The following GAK variants were observed in gnomAD, a reference collection of about 807,000 sequenced individuals.
The protein encoded by GAK is cyclin G associated kinase.
Under a neutral mutation model 143.9 loss-of-function variants are expected in GAK, and 79 were observed. The ratio of observed to expected loss-of-function variants is 0.55; its 90% CI spans 0.46 to 0.66. GAK has a LOEUF of 0.66. GAK is among the 30% of genes least tolerant of loss of function. The pLI is 0.00. For synonymous variants in GAK, 881 were observed against 765.5 expected, an observed-to-expected ratio of 1.15 and a Z score of -2.49; for missense variants, 1,693 against 1,779.7, an observed-to-expected ratio of 0.95 and a Z score of 0.88.
At chr4:921,204 G>C (rs1004131808) in intron 1 of GAK, among the ~76,000 whole-genome samples, 2 of 152,166 alleles carry the variant, frequency 1.3e-5, no homozygotes, top group Non-Finnish European at 2.9e-5. Context: ...CCAGGTTCAA[G>C]CGATTCTCCT....
At chr4:849,834 A>ACCCCCCC (rs33919242) in intron 27 of GAK, 58 bp downstream of exon 27, 1,042 of 948,380 alleles carry the variant, frequency 1.1e-3, no homozygotes, top group South Asian at 2.3e-3. Flanking sequence ...GCGGGGCAGG[A>ACCCCCCC]CCCCCCCCCC....
chr4:850,230 A>C, intron 26 of GAK, 162 bp from the exon 27 acceptor site: 10 of 623,830 alleles, frequency 1.6e-5, no homozygotes, highest in Non-Finnish European at 2.4e-5. Context: ...CCTCAACTAT[A>C]TAGAGCCCAC....
intron 5 of GAK, among the ~76,000 whole-genome samples, chr4:902,276 G>C (rs995784558): frequency 1.3e-5 from 2 of 150,796 alleles, no homozygotes; most frequent in African/African-American, 4.9e-5. Context: ...CGTCCCCAGA[G>C]ACATGGACAA....
intron 10 of GAK, among the ~76,000 whole-genome samples, chr4:890,262 C>T (rs995739670): frequency 6.6e-6 from 1 of 152,204 alleles, no homozygotes; most frequent in Non-Finnish European, 1.5e-5. Context: ...CTCCTGGGCC[C>T]TGCCCTGGAG....
chr4:849,994 G>T lies in GAK; in HGVS notation c.3732C>A (p.Asp1244Glu), dbSNP rs138216547. Residue 1244 changes from aspartate to glutamate, a missense_variant, in exon 27 of 28, where the codon GAC becomes GAA. By Grantham distance (45) the Asp-to-Glu change is conservative. This residue lies in a region of GAK where 822 missense variants were observed against 788.7 expected (regional missense o/e 1.04). Transcript: ENST00000314167. ...CCACGGGCGTCCAGCGGCTCTCCCCGTCCCACAGCACTGTGTGCAGCGTGG... is the reference window on the plus strand; with the variant it reads ...CCACGGGCGTCCAGCGGCTCTCCCCTTCCCACAGCACTGTGTGCAGCGTGG... ...LLSTLHTVLW[D>E]GESRWTPVGM... 8.3e-4 allele frequency: 1,332 copies of T among 1,611,090 alleles called. 16 individuals carry two copies. Among genetic ancestry groups the T allele is most frequent in the Non-Finnish European group, 7.1e-5 (84 of 1,179,106 alleles).
intron 26 of GAK, chr4:850,295 G>A (rs1747891029): frequency 2.2e-6 from 1 of 447,458 alleles, no homozygotes; most frequent in Non-Finnish European, 4.0e-6. Context: ...GGGCCAGAGG[G>A]ACCCTCGTCT....
chr4:881,972 C>T lies in GAK; in HGVS notation c.1596G>A (p.Ala532=), dbSNP rs1401182291. The stretch of plus-strand genomic sequence containing the variant: ...TGCTGAACATGTACACGGCGGCCTC[C>T]GCGGTGCTGAAGAGACGGCAGAAGC... ...FLCFCRLFST[A]EAAVYMFSMK... Residue 532 remains alanine (A), a synonymous_variant, in exon 15 of 28, where the codon GCG becomes GCA. Coordinates refer to ENST00000314167, the MANE Select transcript of GAK (RefSeq NM_005255.4). 4.7e-5 allele frequency: 75 copies of T among 1,602,662 alleles called. No homozygotes were observed. Among genetic ancestry groups the T allele is most frequent in the Non-Finnish European group, 5.9e-5 (69 of 1,174,952 alleles).
At chr4:927,769 T>C (rs1375517586) in intron 1 of GAK, among the ~76,000 whole-genome samples, 1 of 140,730 alleles carries the variant, frequency 7.1e-6, no homozygotes, top group African/African-American at 2.7e-5. Flanking sequence ...CCCTCCCTGC[T>C]TACCTGCGCT....
chr4:923,168 G>A (rs749640128), intron 1 of GAK, among the ~76,000 whole-genome samples: 15 of 152,136 alleles, frequency 9.9e-5, no homozygotes, highest in African/African-American at 3.4e-4. Context: ...TTAGCATCCC[G>A]ACCGTCACCA....
intron 23 of GAK, 96 bp from the exon 24 acceptor site, chr4:859,818 C>G (rs531381539): frequency 1.2e-6 from 1 of 858,390 alleles, no homozygotes; most frequent in South Asian, 1.7e-5. Context: ...ACATGACAGC[C>G]TCACTCCTGC....
In GAK at chr4:866,951, C is replaced by T. The variant is rs766875904; in HGVS notation, c.2872+5G>A. 21 of 1,481,094 alleles carry T rather than the reference C, an allele frequency of 1.4e-5. No individual in the cohort carries two copies. The highest frequency in any genetic ancestry group is 4.8e-5 in the Admixed American group (2 of 41,636). 91.7% of individuals were successfully genotyped at this position (1,481,094 alleles called of 1,614,324 possible). On this transcript the variant is annotated splice_donor_5th_base_variant and intron_variant, in intron 21 of 27. Transcript: ENST00000314167. ...GCCACTCGCCTTCAGAACAGAAACA[C>T]GTACCAGCGGCAGGGGGCCCTCCTC...
At chr4:922,712 G>A (rs1724102298) in intron 1 of GAK, among the ~76,000 whole-genome samples, 1 of 152,128 alleles carries the variant, frequency 6.6e-6, no homozygotes, top group South Asian at 2.1e-4. Context: ...TTGCTGGTGG[G>A]AATGTATGGC....
intron 9 of GAK, among the ~76,000 whole-genome samples, chr4:891,994 A>T (rs1717767470): frequency 1.3e-5 from 2 of 152,112 alleles, no homozygotes; most frequent in South Asian, 4.1e-4. Flanking sequence ...GCCGCCAGAG[A>T]GGGGCACCAC....
At chr4:862,641 AAGAG>A (rs1399673565) in intron 23 of GAK, among the ~76,000 whole-genome samples, 1 of 151,284 alleles carries the variant, frequency 6.6e-6, no homozygotes, top group African/African-American at 2.4e-5. Flanking sequence ...CTGGGCGACA[AAGAG>A]AGACTCTGTC....
intron 5 of GAK, among the ~76,000 whole-genome samples, chr4:904,279 TTGGCAGC>T (rs1720636663): frequency 1.9e-5 from 2 of 104,914 alleles, no homozygotes; most frequent in East Asian, 3.2e-4. Flanking sequence ...CACAGAGGCC[TTGGCAGC>T]CGCGTGTGGA....
At position 877,289 on chromosome 4, in the gene GAK, T is replaced by C. The variant is rs564953483; in HGVS notation, c.1857-82A>G. On this transcript the variant is annotated intron_variant, in intron 16 of 27. Coordinates refer to ENST00000314167, the MANE Select transcript of GAK (RefSeq NM_005255.4). ...AAACAACAAAAAACAGAATGAGAAATTGTCCACTTAGCTAAAATGTGTAAT... is the reference window on the plus strand; with the variant it reads ...AAACAACAAAAAACAGAATGAGAAACTGTCCACTTAGCTAAAATGTGTAAT... 128 of 962,476 alleles carry C rather than the reference T, an allele frequency of 1.3e-4. 1 individual carries two copies. The African/African-American group carries it at 1.8e-3, about 14-fold the overall frequency. The allele number at this position is 962,476 out of a possible 1,614,324, so 59.6% of individuals were successfully genotyped here. A position where few individuals can be genotyped will look rare whatever the true frequency, so the allele number is the denominator to read the frequency against.
chr4:852,070 G>A, intron 24 of GAK, 96 bp from the exon 25 acceptor site: 1 of 1,079,490 alleles, frequency 9.3e-7, no homozygotes, highest in Non-Finnish European at 1.4e-6. Flanking sequence ...TGGAAAACAT[G>A]CGCTTGCAAA....
chr4:876,600 T>G lies in GAK; in HGVS notation c.1984A>C (p.Met662Leu). The G allele has an allele frequency of 5.0e-6, 8 of 1,614,098 alleles. No individual in the cohort carries two copies. Among genetic ancestry groups the G allele is most frequent in the Non-Finnish European group, 6.8e-6 (8 of 1,179,986 alleles). ...GGRLQAKMAS[M>L]KMFQIQFHTG... ...TGGAACTGAATCTGGAACATCTTCATGGATGCCATCTGCAAAGAGAGCAAA... is the reference window on the plus strand; with the variant it reads ...TGGAACTGAATCTGGAACATCTTCAGGGATGCCATCTGCAAAGAGAGCAAA... The change falls in exon 18 of 28, where the codon ATG becomes CTG. Residue 662 changes from methionine (M) to leucine (L), a missense_variant. Around this residue, in one of 2 missense-constraint regions of GAK, gnomAD observed 871 missense variants for 991.0 expected, o/e 0.88. Transcript: ENST00000314167.
At chr4:871,052 C>T (rs1481858245) in intron 18 of GAK, 148 bp from the exon 19 acceptor site, 17 of 692,568 alleles carry the variant, frequency 2.5e-5, no homozygotes, top group South Asian at 4.0e-5. Context: ...CCCCCGCCTG[C>T]GGAAGCTGGA....
Sources: gnomAD v4.1 joint callset for allele counts (sites outside exome capture counted in the v4.1 genomes callset) on GRCh38, gnomAD v4.1.1 for gene constraint, gnomAD v4.1.1 regional missense constraint, MANE v1.5 for transcripts, NCBI Gene and HGNC (gene_info 2026-07-23, HGNC 2026-07-21) for gene names.